Variants in MARCHF1 observed in about 807,000 individuals in gnomAD.
The protein encoded by MARCHF1 is membrane associated ring-CH-type finger 1.
Under a neutral mutation model 54.2 loss-of-function variants are expected in MARCHF1, and 40 were observed. That is an observed-to-expected ratio of 0.74 (90% CI 0.57 to 0.96). The LOEUF (loss-of-function observed/expected upper bound fraction) is 0.96. Among genes scored for constraint, MARCHF1 ranks in the 40% least tolerant of loss-of-function variants. The probability of loss-of-function intolerance (pLI) is 0.00; values close to 1 mark genes in which losing one functional copy is unlikely to be tolerated. For synonymous variants in MARCHF1, 236 were observed against 236.3 expected (o/e 1.00, Z 0.01); for missense variants, 586 against 656.5 (o/e 0.89, Z 1.17).
intron 2 of MARCHF1, among the ~76,000 whole-genome samples, chr4:164,043,710 G>A (rs1260612662): frequency 1.3e-5 from 2 of 152,218 alleles, no homozygotes; most frequent in East Asian, 3.9e-4. Context: ...TCTACCACAT[G>A]GTCAGGCTAC....
chr4:163,765,297 AGT>A (rs1475343684), intron 4 of MARCHF1, among the ~76,000 whole-genome samples: 1 of 152,112 alleles, frequency 6.6e-6, no homozygotes, highest in Non-Finnish European at 1.5e-5. Flanking sequence ...AAAAATTGAG[AGT>A]ACAGTCTTCT....
At chr4:163,827,088 T>TAA (rs5863632) in intron 4 of MARCHF1, among the ~76,000 whole-genome samples, 117,320 of 150,542 alleles carry the variant, frequency 0.78, 46,530 homozygotes, top group South Asian at 0.87. Flanking sequence ...CTTTTTAAAA[T>TAA]AAAAAAAAAG....
intron 3 of MARCHF1, among the ~76,000 whole-genome samples, chr4:163,937,196 T>G (rs926014454): frequency 2.0e-5 from 3 of 152,106 alleles, no homozygotes; most frequent in Admixed American, 1.3e-4. Context: ...CACCAAGCCT[T>G]ACATAAAATA....
intron 3 of MARCHF1, among the ~76,000 whole-genome samples, chr4:163,952,877 C>G (rs1363075473): frequency 6.6e-6 from 1 of 152,080 alleles, no homozygotes; most frequent in Admixed American, 6.6e-5. Context: ...CTGAGGTTAT[C>G]TTTTGAAAAT....
At chr4:164,215,368 C>A (rs1203808267) in intron 1 of MARCHF1, among the ~76,000 whole-genome samples, 2 of 152,054 alleles carry the variant, frequency 1.3e-5, no homozygotes, top group Non-Finnish European at 2.9e-5. Context: ...TTTCTTCCAC[C>A]GATGCATTCC....
intron 4 of MARCHF1, among the ~76,000 whole-genome samples, chr4:163,732,955 C>G (rs967843562): frequency 6.6e-6 from 1 of 151,368 alleles, no homozygotes; most frequent in Non-Finnish European, 1.5e-5. Context: ...AGTTCAAGAC[C>G]AGCCTGGCCA....
chr4:163,599,825 T>TTA (rs1740900032), intron 7 of MARCHF1, among the ~76,000 whole-genome samples: 1 of 152,164 alleles, frequency 6.6e-6, no homozygotes, highest in African/African-American at 2.4e-5. Flanking sequence ...GGGACTCTAC[T>TTA]TAGAGAACCA....
chr4:163,973,564 C>T (rs1237736706), intron 3 of MARCHF1, among the ~76,000 whole-genome samples: 1 of 152,182 alleles, frequency 6.6e-6, no homozygotes, highest in African/African-American at 2.4e-5. Flanking sequence ...CCGGAAACGG[C>T]GTTGGAGGGC....
intron 1 of MARCHF1, among the ~76,000 whole-genome samples, chr4:164,192,736 A>G (rs972842665): frequency 6.6e-6 from 1 of 152,232 alleles, no homozygotes; most frequent in African/African-American, 2.4e-5. Flanking sequence ...AAAGTATGAA[A>G]CATTTATAAA....
intron 1 of MARCHF1, among the ~76,000 whole-genome samples, chr4:164,279,896 C>G (rs1178075568): frequency 6.6e-6 from 1 of 151,574 alleles, no homozygotes; most frequent in Non-Finnish European, 1.5e-5. Context: ...AGAATATTAT[C>G]AAATTAAGAC....
chr4:164,325,595 C>A (rs932989593), intron 1 of MARCHF1, among the ~76,000 whole-genome samples: 1 of 151,684 alleles, frequency 6.6e-6, no homozygotes. Flanking sequence ...CCTGAGATTA[C>A]AAATACAAAT....
chr4:164,291,176 G>GT (rs1162636928), intron 1 of MARCHF1, among the ~76,000 whole-genome samples: 4 of 151,866 alleles, frequency 2.6e-5, no homozygotes, highest in Admixed American at 2.6e-4. Flanking sequence ...TTTGGGTACA[G>GT]TTTTTCTATC....
chr4:164,067,284 A>C (rs1413996887), intron 2 of MARCHF1, among the ~76,000 whole-genome samples: 5 of 152,148 alleles, frequency 3.3e-5, no homozygotes, highest in Non-Finnish European at 7.4e-5. Flanking sequence ...AAATAGCCAA[A>C]ATAATTCTAG....
chr4:163,831,408 A>T (rs139958575), intron 4 of MARCHF1, among the ~76,000 whole-genome samples: 159 of 152,222 alleles, frequency 1.0e-3, no homozygotes, highest in Admixed American at 1.8e-3. Flanking sequence ...ACATAGTGAG[A>T]CCTTGTGTCT....
At chr4:163,931,103 T>C (rs1013265318) in intron 3 of MARCHF1, among the ~76,000 whole-genome samples, 5 of 152,060 alleles carry the variant, frequency 3.3e-5, no homozygotes, top group African/African-American at 7.2e-5. Flanking sequence ...TCTCACTACT[T>C]GAGGACACAG....
chr4:163,795,848 C>A (rs1747899071), intron 4 of MARCHF1, among the ~76,000 whole-genome samples: 1 of 152,086 alleles, frequency 6.6e-6, no homozygotes, highest in African/African-American at 2.4e-5. Flanking sequence ...TGACTGGAAG[C>A]CTTACAAATA....
intron 5 of MARCHF1, among the ~76,000 whole-genome samples, chr4:163,673,502 TCAAA>T (rs895739413): frequency 1.3e-5 from 2 of 152,150 alleles, no homozygotes; most frequent in African/African-American, 4.8e-5. Context: ...TTTTTTATAC[TCAAA>T]CAAAACACTA....
intron 1 of MARCHF1, among the ~76,000 whole-genome samples, chr4:164,232,379 C>A (rs766557009): frequency 6.6e-6 from 1 of 152,110 alleles, no homozygotes. Context: ...TTGTATCACA[C>A]ACACAGATAG....
intron 3 of MARCHF1, among the ~76,000 whole-genome samples, chr4:163,878,183 T>A (rs1750334322): frequency 6.6e-6 from 1 of 152,144 alleles, no homozygotes; most frequent in Non-Finnish European, 1.5e-5. Context: ...ACAGACACTT[T>A]CCGAATACCA....
Sources: gnomAD v4.1 joint callset for allele counts (sites outside exome capture counted in the v4.1 genomes callset) on GRCh38, gnomAD v4.1.1 for gene constraint, MANE v1.5 for transcripts, NCBI Gene and HGNC (gene_info 2026-07-23, HGNC 2026-07-21) for gene names.